THEMIS: variants seen among roughly 807,000 people sequenced by gnomAD.
THEMIS encodes the protein thymocyte selection associated, also known as protein THEMIS.
THEMIS carries 37 observed loss-of-function variants against 52.6 expected under a neutral mutation model. The observed-to-expected ratio is 0.70, with a 90% confidence interval of 0.54 to 0.93. THEMIS has a LOEUF of 0.93. Ranked by LOEUF, THEMIS falls within the 40% of genes least tolerant of loss-of-function variation. The pLI is 0.00. For missense variants in THEMIS, 808 were observed against 763.1 expected, an observed-to-expected ratio of 1.06 and a Z score of -0.69; for synonymous variants, 292 against 272.7, an observed-to-expected ratio of 1.07 and a Z score of -0.70.
At position 127,710,007 on chromosome 6, in the gene THEMIS, T is replaced by C. The variant is rs1479878949; in HGVS notation, c.1904A>G (p.Lys635Arg). The C allele has an allele frequency of 6.3e-7, 1 of 1,581,830 alleles. No individual in the cohort carries two copies. Among genetic ancestry groups the C allele is most frequent in the African/African-American group, 1.4e-5 (1 of 73,146 alleles). Residue 635 changes from lysine to arginine, a missense_variant, in exon 6 of 6, where the codon AAA becomes AGA. Coordinates refer to ENST00000368248, the MANE Select transcript of THEMIS (RefSeq NM_001010923.3). ...TTGTTATTTTTGATGTTTTTCATTT[T>C]TGAATGTTTCTATAAATAAAAAAAG... is the stretch of plus-strand genomic sequence containing the variant. ...RGATAIAETFKNEKHQK is the reference protein window; with the variant it reads ...RGATAIAETFRNEKHQK
intron 1 of THEMIS, among the ~76,000 whole-genome samples, chr6:127,872,707 T>G (rs1455583430): frequency 6.6e-6 from 1 of 152,062 alleles, no homozygotes; most frequent in Non-Finnish European, 1.5e-5. Flanking sequence ...AACCTGAATG[T>G]TTTCTCCCTA....
intron 1 of THEMIS, among the ~76,000 whole-genome samples, chr6:127,909,417 CT>C (rs1781356119): frequency 6.6e-6 from 1 of 152,088 alleles, no homozygotes; most frequent in African/African-American, 2.4e-5. Context: ...CTCACGAGAT[CT>C]GATGGTTTTA....
At chr6:127,861,783 C>CAAAAAAAAAAAAAAAAAAAAAAAAAA (rs1225783673) in intron 1 of THEMIS, among the ~76,000 whole-genome samples, 2 of 95,698 alleles carry the variant, frequency 2.1e-5, no homozygotes, top group African/African-American at 5.0e-5. Flanking sequence ...GACTCCATCT[C>CAAAAAAAAAAAAAAAAAAAAAAAAAA]AAAAAAAAAA....
At chr6:127,741,285 A>G (rs1775193615) in intron 4 of THEMIS, among the ~76,000 whole-genome samples, 1 of 152,156 alleles carries the variant, frequency 6.6e-6, no homozygotes, top group African/African-American at 2.4e-5. Flanking sequence ...AATGGTGTGT[A>G]CCTCATTTAA....
At chr6:127,890,767 T>A (rs964061536) in intron 1 of THEMIS, among the ~76,000 whole-genome samples, 10 of 152,082 alleles carry the variant, frequency 6.6e-5, no homozygotes, top group African/African-American at 2.4e-4. Context: ...ACAGCTTTTG[T>A]GAGAAAAATA....
In THEMIS at chr6:127,854,899, A is replaced by G. The variant is rs139255591; in HGVS notation, c.250+131T>C. The G allele has an allele frequency of 1.1e-3, 765 of 720,500 alleles. 13 individuals carry two copies. The East Asian group carries it at 0.023, about 22-fold the overall frequency. The allele number at this position is 720,500 out of a possible 1,614,324, so 44.6% of individuals were successfully genotyped here. A position where few individuals can be genotyped will look rare whatever the true frequency, so the allele number is the denominator to read the frequency against. Reference sequence around the variant, plus strand: ...GTTCTTAAAATGATCAAACTATAACAATTCCGGATTTTCCCCCCCATTATC... The same window carrying G: ...GTTCTTAAAATGATCAAACTATAACGATTCCGGATTTTCCCCCCCATTATC... On this transcript the variant is annotated intron_variant, in intron 2 of 5. Transcript: ENST00000368248.
chr6:127,879,254 A>C (rs1200690602), intron 1 of THEMIS, among the ~76,000 whole-genome samples: 1 of 152,206 alleles, frequency 6.6e-6, no homozygotes, highest in East Asian at 1.9e-4. Flanking sequence ...AACAAATAGC[A>C]TATCTTAAAA....
chr6:127,829,453 C>T lies in THEMIS; in HGVS notation c.709+23G>A, dbSNP rs759082567. On this transcript the variant is annotated intron_variant, in intron 3 of 5. Coordinates refer to ENST00000368248, the MANE Select transcript of THEMIS (RefSeq NM_001010923.3). The stretch of plus-strand genomic sequence containing the variant: ...CCCCATAATGCTCATGCTCATAGAA[C>T]ATCATTCTCAGTGGATACTCACATT... 18 of 1,558,272 alleles carry T rather than the reference C, an allele frequency of 1.2e-5. No homozygotes were observed. In the South Asian group the frequency reaches 1.7e-4, roughly 15 times the overall value.
intron 1 of THEMIS, among the ~76,000 whole-genome samples, chr6:127,896,028 G>A (rs1780956218): frequency 6.6e-6 from 1 of 151,104 alleles, no homozygotes; most frequent in Non-Finnish European, 1.5e-5. Flanking sequence ...ACAATTAAAA[G>A]CATGTTTAAC....
At chr6:127,830,630 G>A (rs925180379) in intron 2 of THEMIS, among the ~76,000 whole-genome samples, 2 of 151,790 alleles carry the variant, frequency 1.3e-5, no homozygotes, top group Admixed American at 1.3e-4. Flanking sequence ...AGGTTGTAGT[G>A]AGCCACGATC....
upstream of THEMIS, among the ~76,000 whole-genome samples, chr6:127,905,991 G>GAAATAATTTAAATGTAATTTAAATT (rs1292936428): frequency 1.8e-3 from 263 of 145,430 alleles, 1 homozygote; most frequent in African/African-American, 6.5e-3. Context: ...GTAATTAAAT[G>GAAATAATTTAAATGTAATTTAAATT]AAATAATTTA....
intron 4 of THEMIS, among the ~76,000 whole-genome samples, chr6:127,748,518 T>C (rs1775526639): frequency 6.6e-6 from 1 of 152,090 alleles, no homozygotes; most frequent in Non-Finnish European, 1.5e-5. Flanking sequence ...GTACTTCCTC[T>C]TAATGACCTA....
intron 1 of THEMIS, among the ~76,000 whole-genome samples, chr6:127,886,085 A>T (rs1054295315): frequency 6.6e-6 from 1 of 152,000 alleles, no homozygotes; most frequent in Non-Finnish European, 1.5e-5. Context: ...CACTTTTCCT[A>T]TAACATCCCA....
In THEMIS at chr6:127,808,925, T is replaced by C. The variant is rs545029562; in HGVS notation, c.1758+3958A>G. 1.4e-4 allele frequency among the ~76,000 whole-genome samples: 22 copies of C among 152,348 alleles called. 1 individual carries two copies. The East Asian group carries it at 3.7e-3, about 25-fold the overall frequency. On this transcript the variant is annotated intron_variant, in intron 4 of 5. Coordinates refer to ENST00000368248, the MANE Select transcript of THEMIS (RefSeq NM_001010923.3). ...TGTAGTGTTCATAACCAACCGCAGATACCTGCTATAGGTTAATTTGGCTAA... is the reference window on the plus strand; with the variant it reads ...TGTAGTGTTCATAACCAACCGCAGACACCTGCTATAGGTTAATTTGGCTAA...
chr6:127,743,860 A>G (rs768605249), intron 4 of THEMIS, among the ~76,000 whole-genome samples: 15 of 152,146 alleles, frequency 9.9e-5, no homozygotes, highest in Non-Finnish European at 8.8e-5. Context: ...TGTTATGACT[A>G]CAGGTATTTC....
intron 4 of THEMIS, among the ~76,000 whole-genome samples, chr6:127,790,757 C>T (rs912798432): frequency 9.9e-5 from 15 of 152,254 alleles, no homozygotes; most frequent in Admixed American, 2.6e-4. Context: ...AGGCACAGAG[C>T]GGTGAGGATT....
At chr6:127,771,376 C>T (rs1776379619) in intron 4 of THEMIS, among the ~76,000 whole-genome samples, 1 of 152,106 alleles carries the variant, frequency 6.6e-6, no homozygotes, top group African/African-American at 2.4e-5. Flanking sequence ...CCCCATTAAG[C>T]TACCAATGAT....
At chr6:127,700,338 TC>T in the THEMIS span, among the ~76,000 whole-genome samples, 1 of 151,844 alleles carries the variant, frequency 6.6e-6, no homozygotes, top group South Asian at 2.1e-4. Flanking sequence ...TTGGAAATAT[TC>T]AGCCCAGCTT....
intron 4 of THEMIS, among the ~76,000 whole-genome samples, chr6:127,792,713 G>A (rs558274804): frequency 3.9e-5 from 6 of 152,268 alleles, no homozygotes; most frequent in African/African-American, 1.4e-4. Context: ...CATGATTCGA[G>A]ATTTAGTTTT....
Sources: gnomAD v4.1 joint callset for allele counts (sites outside exome capture counted in the v4.1 genomes callset) on GRCh38, gnomAD v4.1.1 for gene constraint, MANE v1.5 for transcripts, NCBI Gene and HGNC (gene_info 2026-07-23, HGNC 2026-07-21) for gene names.